ZNF718: variants seen among roughly 807,000 people sequenced by gnomAD.
ZNF718 encodes zinc finger protein 718.
In ZNF718, 3 loss-of-function variants were observed where a neutral mutation model predicts 2.6. The observed-to-expected ratio is 1.16, with a 90% CI of 0.53 to 3.01. The LOEUF (loss-of-function observed/expected upper bound fraction) is 3.01, where lower values mean the gene tolerates loss of function less well. ZNF718 is among the 30% of genes most tolerant of loss of function. ZNF718 has a pLI of 0.03. For synonymous variants in ZNF718, 135 were observed against 77.9 expected (o/e 1.73, Z -3.86); for missense variants, 468 against 230.0 (o/e 2.03, Z -6.69).
chr4:196,382 C>T (rs1717793341), intron 3 of ZNF718, among the ~76,000 whole-genome samples: 1 of 152,170 alleles, frequency 6.6e-6, no homozygotes, highest in Non-Finnish European at 1.5e-5. Context: ...GGTTCATAGC[C>T]TAGGGGCATA....
chr4:189,939 T>G (rs1717659653), intron 3 of ZNF718, among the ~76,000 whole-genome samples: 1 of 152,222 alleles, frequency 6.6e-6, no homozygotes, highest in Non-Finnish European at 1.5e-5. Flanking sequence ...CAACACTGCA[T>G]TTGTGAAAAA....
At chr4:169,115 G>A (rs1188978883), downstream of ZNF718, among the ~76,000 whole-genome samples, 149 of 152,252 alleles carry the variant, frequency 9.8e-4, 1 homozygote, top group African/African-American at 3.5e-3. Context: ...TATGTACCCA[G>A]TAGTCATTCA....
At chr4:185,064 G>A (rs1717540918) in intron 3 of ZNF718, among the ~76,000 whole-genome samples, 1 of 151,968 alleles carries the variant, frequency 6.6e-6, no homozygotes, top group African/African-American at 2.4e-5. Context: ...GTTTGCTCTT[G>A]GTTCTCTAGT....
intron 3 of ZNF718, among the ~76,000 whole-genome samples, chr4:160,036 A>T (rs1716754072): frequency 6.6e-6 from 1 of 152,110 alleles, no homozygotes; most frequent in African/African-American, 2.4e-5. Context: ...GTTTCTTCTT[A>T]TGGTTTCTAA....
In ZNF718 at chr4:161,593, G is replaced by T. The variant is rs1553815227; in HGVS notation, c.908G>T (p.Arg303Ile). The change falls in exon 4 of 4, where the codon AGA becomes ATA. Residue 303 changes from arginine (R) to isoleucine (I), a missense_variant. Coordinates refer to ENST00000510175, the MANE Select transcript of ZNF718 (RefSeq NM_001039127.6). ...KWSSSLNEHK[R>I]IHAGEKPFSC... is the part of the protein sequence containing the mutation. ...TCCTCATCCCTTAATGAACATAAGAGAATTCATGCTGGAGAGAAACCCTTC... is the reference window on the plus strand; with the variant it reads ...TCCTCATCCCTTAATGAACATAAGATAATTCATGCTGGAGAGAAACCCTTC... 1.3e-6 allele frequency: 1 copy of T among 780,742 alleles called. No homozygotes were observed. The highest frequency in any genetic ancestry group is 2.4e-6 in the Non-Finnish European group (1 of 417,980). The allele number at this position is 780,742 out of a possible 1,614,324, so 48.4% of individuals were successfully genotyped here. A position where few individuals can be genotyped will look rare whatever the true frequency, so the allele number is the denominator to read the frequency against.
In ZNF718 at chr4:131,977, G is replaced by A. The variant is rs1715360349; in HGVS notation, c.226+472G>A. On this transcript the variant is annotated intron_variant, in intron 3 of 3. Transcript: ENST00000510175. Reference sequence around the variant, plus strand: ...GGAGAATGGCGTGAACCCAGGAGTCGGAGCTTGCAGTGAGCCGAGATCGTG... The same window carrying A: ...GGAGAATGGCGTGAACCCAGGAGTCAGAGCTTGCAGTGAGCCGAGATCGTG... Among the ~76,000 whole-genome samples, 2 of 99,648 alleles carry A rather than the reference G, an allele frequency of 2.0e-5. 1 individual carries two copies. Among genetic ancestry groups the A allele is most frequent in the Non-Finnish European group, 4.4e-5 (2 of 45,082 alleles). The allele number at this position is 99,648 out of a possible 152,430, so 65.4% of individuals were successfully genotyped here.
downstream of ZNF718, among the ~76,000 whole-genome samples, chr4:164,842 A>C (rs2108807369): frequency 6.6e-6 from 1 of 152,312 alleles, no homozygotes; most frequent in East Asian, 1.9e-4. Flanking sequence ...ATGTAATTGC[A>C]GTGAACAAAC....
intron 3 of ZNF718, among the ~76,000 whole-genome samples, chr4:171,390 G>C (rs1405791488): frequency 6.6e-6 from 1 of 152,196 alleles, no homozygotes. Flanking sequence ...GGACGTTTAA[G>C]TCTGCAGAGG....
intron 3 of ZNF718, among the ~76,000 whole-genome samples, chr4:173,348 G>T (rs935536401): frequency 6.6e-6 from 1 of 152,050 alleles, no homozygotes; most frequent in Non-Finnish European, 1.5e-5. Context: ...TATTTCACTC[G>T]TTTAGTTTCC....
At chr4:159,838 A>G (rs911548904) in intron 3 of ZNF718, among the ~76,000 whole-genome samples, 3 of 152,118 alleles carry the variant, frequency 2.0e-5, no homozygotes, top group Non-Finnish European at 4.4e-5. Flanking sequence ...TTTTGCCTAC[A>G]TTGTAATATT....
Position 124,574 on chromosome 4 carries a change from C to A in ZNF718, c.-97C>A. On this transcript the variant is annotated 5_prime_UTR_variant, in exon 1 of 4. Coordinates refer to ENST00000510175, the MANE Select transcript of ZNF718 (RefSeq NM_001039127.6). ...CTGCTCCCGCTCCTTAGGGAAGCCT[C>A]GGTGATTCTGCCACAGCCTCAGCCT... The A allele has an allele frequency of 1.3e-6, 2 of 1,549,310 alleles. No homozygotes were observed. Among genetic ancestry groups the A allele is most frequent in the Middle Eastern group, 1.7e-4 (1 of 5,926 alleles).
Position 162,262 on chromosome 4 carries a change from G to A in ZNF718, c.*140G>A. 3.9e-6 allele frequency: 2 copies of A among 514,578 alleles called. No homozygotes were observed. The highest frequency in any genetic ancestry group is 4.0e-5 in the South Asian group (1 of 25,238). 31.9% of individuals were successfully genotyped at this position (514,578 alleles called of 1,614,324 possible). A position where few individuals can be genotyped will look rare whatever the true frequency, so the allele number is the denominator to read the frequency against. ...ATCTGTTCTAAACATAAGAGAAATG[G>A]TATTGGTGAGAAGCCATAAAAATAT... On this transcript the variant is annotated 3_prime_UTR_variant, in exon 4 of 4. Coordinates refer to ENST00000510175, the MANE Select transcript of ZNF718 (RefSeq NM_001039127.6).
At position 175,708 on chromosome 4, in the gene ZNF718, C is replaced by T. The variant is rs1717331382; in HGVS notation, c.227-25373C>T. 2.0e-5 allele frequency among the ~76,000 whole-genome samples: 3 copies of T among 152,098 alleles called. No homozygotes were observed. The South Asian group carries it at 6.2e-4, about 32-fold the overall frequency. On this transcript the variant is annotated intron_variant and NMD_transcript_variant, in intron 3 of 4. Coordinates refer to the ZNF718 transcript ENST00000642529. ...GATGTTTATATTACAAGTCATAATA[C>T]TCTGCAGATTTACTAATATGCCTTT...
Position 127,142 on chromosome 4 carries a change from C to T in ZNF718, c.3+2469C>T, listed in dbSNP as rs1163946836. Among the ~76,000 whole-genome samples the T allele has an allele frequency of 5.6e-5, 2 of 35,938 alleles. 1 individual carries two copies. Among genetic ancestry groups the T allele is most frequent in the Non-Finnish European group, 1.4e-4 (2 of 14,758 alleles). 23.6% of individuals were successfully genotyped at this position (35,938 alleles called of 152,430 possible). A position where few individuals can be genotyped will look rare whatever the true frequency, so the allele number is the denominator to read the frequency against. On this transcript the variant is annotated intron_variant, in intron 1 of 3. Transcript: ENST00000510175. ...CCTGGCTGAAAATTTTTCTTTTAGT[C>T]ATATTTTCCATGCACTGTTTAGAAG...
chr4:126,722 A>G (rs782405265), intron 1 of ZNF718, among the ~76,000 whole-genome samples: 63 of 152,298 alleles, frequency 4.1e-4, no homozygotes, highest in African/African-American at 1.2e-3. Context: ...GTCTCTTAGT[A>G]GATTGCCTGT....
intron 3 of ZNF718, among the ~76,000 whole-genome samples, chr4:181,521 C>T (rs552241031): frequency 6.6e-6 from 1 of 152,150 alleles, no homozygotes; most frequent in Non-Finnish European, 1.5e-5. Context: ...ACTGATTTCT[C>T]AGTATCATTT....
At chr4:193,829 TCTGA>T (rs1553821618) in intron 3 of ZNF718, among the ~76,000 whole-genome samples, 1 of 152,212 alleles carries the variant, frequency 6.6e-6, no homozygotes, top group African/African-American at 2.4e-5. Context: ...GTTAGTGGCT[TCTGA>T]CTAAGAGAAC....
intron 3 of ZNF718, among the ~76,000 whole-genome samples, chr4:142,416 G>T (rs928755257): frequency 3.9e-5 from 6 of 152,222 alleles, no homozygotes; most frequent in African/African-American, 1.2e-4. Context: ...CCCAGTCAGT[G>T]TAAGTAAGAA....
In ZNF718 at chr4:131,345, G is replaced by A. The variant is rs1388799978; in HGVS notation, c.131-65G>A. On this transcript the variant is annotated intron_variant, in intron 2 of 3. Transcript: ENST00000510175. ...TAATTTCTCTATTCTACTTAGCATA[G>A]TACTAGGTTGGTAATTGGAGTATCC... is the stretch of plus-strand genomic sequence containing the variant. 2.4e-4 allele frequency: 69 copies of A among 283,794 alleles called. 14 individuals are homozygous for A. The highest frequency in any genetic ancestry group is 1.8e-3 in the South Asian group (20 of 11,240). The allele number at this position is 283,794 out of a possible 1,614,324, so 17.6% of individuals were successfully genotyped here. A position where few individuals can be genotyped will look rare whatever the true frequency, so the allele number is the denominator to read the frequency against.
Sources: allele counts gnomAD v4.1 joint callset (sites outside exome capture counted in the v4.1 genomes callset), GRCh38; gene constraint gnomAD v4.1.1; transcripts MANE v1.5; gene names NCBI Gene and HGNC (gene_info 2026-07-23, HGNC 2026-07-21).